The following LIPA variants were observed in gnomAD, a reference collection of about 807,000 sequenced individuals.
The protein encoded by LIPA is lysosomal acid lipase/cholesteryl ester hydrolase.
Under a neutral mutation model 40.6 loss-of-function variants are expected in LIPA, and 26 were observed. That is an observed-to-expected ratio of 0.64 (90% CI 0.47 to 0.89). The LOEUF (loss-of-function observed/expected upper bound fraction) is 0.89, where lower values mean the gene tolerates loss of function less well. LIPA is among the 40% of genes least tolerant of loss of function. The pLI, the probability that LIPA is intolerant of heterozygous loss-of-function variation, is 0.00. For synonymous variants in LIPA, 188 were observed against 168.4 expected, an observed-to-expected ratio of 1.12 and a Z score of -0.90; for missense variants, 455 against 479.6, an observed-to-expected ratio of 0.95 and a Z score of 0.48.
rs1292271294 is a variant in LIPA at position 89,247,150 on chromosome 10, C to G, written c.111+388G>C. On this transcript the variant is annotated intron_variant, in intron 2 of 9. Transcript: ENST00000336233. ...CTTTGGGAGGCTGAGGTGGACAGAT[C>G]ACCTGAGCTCAGGAGTTCAAGACCA... Among the ~76,000 whole-genome samples the G allele has an allele frequency of 2.6e-5, 4 of 152,042 alleles. No homozygotes were observed. In the East Asian group the frequency reaches 7.7e-4, roughly 29 times the overall value.
intron 1 of LIPA, among the ~76,000 whole-genome samples, chr10:89,283,357 C>T (rs941731771): frequency 6.6e-6 from 1 of 152,194 alleles, no homozygotes; most frequent in Admixed American, 6.5e-5. Flanking sequence ...CACTCTGGCT[C>T]GGAAGTCTGC....
rs528421816 is a variant in LIPA, at chr10:89,360,062, A to G, written c.61+52729T>C. Among the ~76,000 whole-genome samples the G allele has an allele frequency of 2.1e-3, 325 of 152,312 alleles. 1 individual carries two copies. The highest frequency in any genetic ancestry group is 7.0e-3 in the African/African-American group (290 of 41,582). On this transcript the variant is annotated intron_variant, in intron 2 of 8. Transcript: ENST00000371837. ...AATTACTTAAACTCACACATGTACT[A>G]AGTGGGGCAGAATTGGGTTGTTAAC...
chr10:89,275,245 T>C (rs1381037480), intron 1 of LIPA, among the ~76,000 whole-genome samples: 1 of 152,218 alleles, frequency 6.6e-6, no homozygotes. Context: ...ATGGCCCATC[T>C]CCTGGGTTAA....
chr10:89,386,701 C>T (rs1844212401), intron 2 of LIPA, among the ~76,000 whole-genome samples: 1 of 152,172 alleles, frequency 6.6e-6, no homozygotes, highest in Admixed American at 6.5e-5. Flanking sequence ...CAACTATTTG[C>T]TCCTTAGCTA....
chr10:89,393,968 G>A (rs1456235933), intron 2 of LIPA, among the ~76,000 whole-genome samples: 1 of 152,128 alleles, frequency 6.6e-6, no homozygotes, highest in Non-Finnish European at 1.5e-5. Context: ...TGACAGCCTG[G>A]CTTCTAAAAG....
chr10:89,274,368 G>C (rs1369866056), intron 1 of LIPA, among the ~76,000 whole-genome samples: 3 of 152,176 alleles, frequency 2.0e-5, no homozygotes, highest in Non-Finnish European at 4.4e-5. Context: ...GAGATGATTA[G>C]AGAAAAAACA....
intron 1 of LIPA, among the ~76,000 whole-genome samples, chr10:89,337,405 T>A (rs1462428027): frequency 6.6e-6 from 1 of 152,146 alleles, no homozygotes; most frequent in Non-Finnish European, 1.5e-5. Flanking sequence ...TTATTCTTAC[T>A]TTTATTTTTT....
intron 2 of LIPA, among the ~76,000 whole-genome samples, chr10:89,411,033 A>T (rs1019903674): frequency 3.3e-5 from 5 of 152,252 alleles, no homozygotes; most frequent in Admixed American, 2.6e-4. Flanking sequence ...TTTAAAACCT[A>T]TAATTGATAA....
At chr10:89,403,400 A>G in intron 2 of LIPA, 1 of 1,613,840 alleles carries the variant, frequency 6.2e-7, no homozygotes, top group Non-Finnish European at 8.5e-7. Flanking sequence ...TGGTAGAAGA[A>G]ACAATGCAAG....
upstream of LIPA, among the ~76,000 whole-genome samples, chr10:89,252,583 G>A (rs1009268360): frequency 2.6e-5 from 4 of 152,164 alleles, no homozygotes; most frequent in Non-Finnish European, 4.4e-5. Flanking sequence ...TGAGGAGGGC[G>A]GATCACCTGA....
At chr10:89,225,360 G>T in intron 5 of LIPA, 132 bp from the exon 6 acceptor site, 1 of 1,053,390 alleles carries the variant, frequency 9.5e-7, no homozygotes, top group Non-Finnish European at 1.5e-6. Context: ...ACCAGCAGGA[G>T]CCAAAACACT....
chr10:89,372,796 A>T (rs571454129), intron 2 of LIPA, among the ~76,000 whole-genome samples: 1 of 152,244 alleles, frequency 6.6e-6, no homozygotes, highest in Non-Finnish European at 1.5e-5. Flanking sequence ...TCTAGAAAAC[A>T]TCTTCACCTC....
intron 8 of LIPA, among the ~76,000 whole-genome samples, chr10:89,217,656 A>C (rs535352079): frequency 1.3e-5 from 2 of 152,348 alleles, no homozygotes; most frequent in South Asian, 4.1e-4. Context: ...ATTTCAAAAG[A>C]AAAGTATTAA....
chr10:89,242,669 T>C (rs897694020), intron 3 of LIPA, among the ~76,000 whole-genome samples: 6 of 152,184 alleles, frequency 3.9e-5, no homozygotes, highest in African/African-American at 1.4e-4. Flanking sequence ...AGGAATGTGG[T>C]ACCAAAAAAT....
chr10:89,261,495 ACT>A (rs1216280726), intron 1 of LIPA, among the ~76,000 whole-genome samples: 2 of 152,084 alleles, frequency 1.3e-5, no homozygotes, highest in South Asian at 2.1e-4. Context: ...ACAGAGCGAG[ACT>A]CTGTCTCAAA....
intron 1 of LIPA, among the ~76,000 whole-genome samples, chr10:89,287,530 T>C (rs762341969): frequency 2.0e-5 from 3 of 152,120 alleles, no homozygotes; most frequent in Non-Finnish European, 2.9e-5. Flanking sequence ...GCCACCCTTC[T>C]TCCCAACCCA....
chr10:89,348,131 C>A (rs573376549), intron 2 of LIPA, among the ~76,000 whole-genome samples: 111 of 152,318 alleles, frequency 7.3e-4, no homozygotes, highest in African/African-American at 2.6e-3. Context: ...CCAGTGCTGT[C>A]TGTTGTGCTC....
chr10:89,283,015 TG>T (rs1843324222), intron 1 of LIPA, among the ~76,000 whole-genome samples: 1 of 152,256 alleles, frequency 6.6e-6, no homozygotes, highest in Non-Finnish European at 1.5e-5. Flanking sequence ...TATAAAGCCC[TG>T]AGCAAAAATT....
At chr10:89,410,840 A>C (rs940641530) in intron 2 of LIPA, among the ~76,000 whole-genome samples, 9 of 152,246 alleles carry the variant, frequency 5.9e-5, no homozygotes, top group Non-Finnish European at 1.3e-4. Context: ...AGGAGAGGGA[A>C]GAACAGCAGC....
Sources: allele counts gnomAD v4.1 joint callset (sites outside exome capture counted in the v4.1 genomes callset), GRCh38; gene constraint gnomAD v4.1.1; transcripts MANE v1.5; gene names NCBI Gene and HGNC (gene_info 2026-07-23, HGNC 2026-07-21).